LEMD3: variants seen among roughly 807,000 people sequenced by gnomAD.
LEMD3 encodes LEM domain containing 3.
Under a neutral mutation model 95.2 loss-of-function variants are expected in LEMD3, and 33 were observed. The ratio of observed to expected loss-of-function variants is 0.35; its 90% CI spans 0.26 to 0.46. The LOEUF is 0.46. LEMD3 is among the 20% of genes least tolerant of loss of function. The pLI, the probability that LEMD3 is intolerant of heterozygous loss-of-function variation, is 1.00. For missense variants in LEMD3, 1,210 were observed against 1,192.8 expected (o/e 1.01, Z -0.21); for synonymous variants, 525 against 474.6 (o/e 1.11, Z -1.38).
intron 1 of LEMD3, among the ~76,000 whole-genome samples, chr12:65,181,810 A>G (rs539776738): frequency 7.3e-4 from 111 of 152,290 alleles, no homozygotes; most frequent in African/African-American, 2.5e-3. Flanking sequence ...GAATTTGCCA[A>G]AAATGAAAAT....
rs1439261775 is a variant in LEMD3, at chr12:65,169,786, C to T, written c.190C>T (p.Arg64Trp). Reference protein sequence around the residue: ...HRSGGRGNKTRNSNNNNTAAA... With the variant: ...HRSGGRGNKTWNSNNNNTAAA... ...GTCAGGGGGCCGCGGCAACAAGACG[C>T]GGAACAGTAATAACAATAACACGGC... Residue 64 changes from arginine (R) to tryptophan (W), a missense_variant, in exon 1 of 13, where the codon CGG (arginine) becomes TGG (tryptophan). Physicochemically the swap from Arg to Trp is moderately radical, Grantham distance 101 (BLOSUM62 -3). Transcript: ENST00000308330. The T allele has an allele frequency of 6.4e-7, 1 of 1,574,036 alleles. No homozygotes were observed.
Position 65,246,218 on chromosome 12 carries a change from C to T in LEMD3, c.2629C>T (p.Gln877Ter). Residue 877 changes from glutamine (Q) to a stop codon, truncating the protein, a stop_gained, in exon 13 of 13, where the codon CAG (glutamine) becomes TAG (stop). Coordinates refer to ENST00000308330, the MANE Select transcript of LEMD3 (RefSeq NM_014319.5). LOFTEE classifies it high-confidence loss of function. ...RLDRYHHRFPQALTSNTPLKP... is the reference protein window; with the variant it reads ...RLDRYHHRFP ...AGATAGATACCACCATCGCTTTCCC[C>T]AGGCTCTCACTTCCAACACTCCATT... 6.2e-7 allele frequency: 1 copy of T among 1,612,748 alleles called. No individual in the cohort carries two copies. Among genetic ancestry groups the T allele is most frequent in the Non-Finnish European group, 8.5e-7 (1 of 1,178,896 alleles).
intron 1 of LEMD3, among the ~76,000 whole-genome samples, chr12:65,194,998 T>C (rs1449786956): frequency 6.6e-6 from 1 of 151,746 alleles, no homozygotes; most frequent in African/African-American, 2.4e-5. Context: ...TAAGTAGACA[T>C]TTTGGAGGTT....
At chr12:65,180,342 T>G (rs1486452745) in intron 1 of LEMD3, among the ~76,000 whole-genome samples, 2 of 148,876 alleles carry the variant, frequency 1.3e-5, no homozygotes, top group Admixed American at 1.3e-4. Context: ...CTGCATCAGT[T>G]TATATATTAT....
At chr12:65,185,950 A>T (rs12313850) in intron 1 of LEMD3, among the ~76,000 whole-genome samples, 5,390 of 152,152 alleles carry the variant, frequency 0.035, 316 homozygotes, top group African/African-American at 0.12. Context: ...ATTTTATCCC[A>T]GTAGCTCTAT....
intron 4 of LEMD3, among the ~76,000 whole-genome samples, chr12:65,231,877 T>C (rs1870640745): frequency 1.3e-5 from 2 of 151,996 alleles, no homozygotes. Flanking sequence ...TGTCTTTCCC[T>C]TGAAATTATT....
chr12:65,175,322 A>G (rs781546117), intron 1 of LEMD3, among the ~76,000 whole-genome samples: 52 of 152,184 alleles, frequency 3.4e-4, no homozygotes, highest in Non-Finnish European at 6.2e-4. Flanking sequence ...TTCTCATCCT[A>G]TAAAAATACT....
At chr12:65,243,303 A>G (rs1592464806) in intron 9 of LEMD3, 85 bp from the exon 10 acceptor site, 1 of 846,890 alleles carries the variant, frequency 1.2e-6, no homozygotes, top group East Asian at 2.4e-5. Flanking sequence ...CATGCAGTGA[A>G]TATTTTTTGA....
At position 65,242,035 on chromosome 12, in the gene LEMD3, A is replaced by T. The variant is rs186909667; in HGVS notation, c.2305+948A>T. Among the ~76,000 whole-genome samples the T allele has an allele frequency of 1.0e-3, 158 of 152,290 alleles. 4 individuals are homozygous for T. The highest frequency in any genetic ancestry group is 9.7e-3 in the Admixed American group (148 of 15,292). ...GTACATGTATCCCAGAACTTAAATT[A>T]AAAAAATGATGCTTTCATGTTGCCA... is the stretch of plus-strand genomic sequence containing the variant. On this transcript the variant is annotated intron_variant, in intron 9 of 12. Transcript: ENST00000308330.
chr12:65,196,778 A>G (rs1366615324), intron 1 of LEMD3, among the ~76,000 whole-genome samples: 2 of 151,742 alleles, frequency 1.3e-5, no homozygotes, highest in African/African-American at 4.8e-5. Flanking sequence ...AAAGTGATGA[A>G]CTCAAGGGGC....
At chr12:65,182,624 T>G (rs1868940658) in intron 1 of LEMD3, among the ~76,000 whole-genome samples, 2 of 152,114 alleles carry the variant, frequency 1.3e-5, no homozygotes, top group Non-Finnish European at 2.9e-5. Context: ...GTGGTTTTTT[T>G]TTGCAGCTAT....
chr12:65,241,198 C>T (rs999232899), intron 9 of LEMD3, 111 bp downstream of exon 9: 9 of 871,886 alleles, frequency 1.0e-5, no homozygotes, highest in African/African-American at 3.3e-5. Context: ...AAAACTCTCT[C>T]GTTCTGTTTC....
In LEMD3 at chr12:65,169,707, G is replaced by A. The variant is rs569384904; in HGVS notation, c.111G>A (p.Pro37=). 5 of 1,585,312 alleles carry A rather than the reference G, an allele frequency of 3.2e-6. No individual in the cohort carries two copies. Among genetic ancestry groups the A allele is most frequent in the Admixed American group, 1.8e-5 (1 of 55,732 alleles). Residue 37 remains proline (P), a synonymous_variant, in exon 1 of 13, where the codon CCG becomes CCA. Coordinates refer to ENST00000308330, the MANE Select transcript of LEMD3 (RefSeq NM_014319.5). ...SPGPVTESTR[P]VYLKKLKKLR... is the part of the protein sequence containing the mutation. ...GACCAGTGACGGAGAGCACCCGCCC[G>A]GTCTACCTCAAGAAGCTGAAGAAGC...
At chr12:65,211,814 T>C (rs1053716886) in intron 2 of LEMD3, among the ~76,000 whole-genome samples, 2 of 152,248 alleles carry the variant, frequency 1.3e-5, no homozygotes, top group African/African-American at 2.4e-5. Context: ...GTATACTTAC[T>C]GAACATTAGA....
intron 1 of LEMD3, among the ~76,000 whole-genome samples, chr12:65,201,960 G>A (rs1489892275): frequency 6.7e-6 from 1 of 148,696 alleles, no homozygotes; most frequent in Non-Finnish European, 1.5e-5. Context: ...AAATTCCCTT[G>A]TATTCCTAGT....
chr12:65,227,484 G>A (rs1870485239), intron 4 of LEMD3, among the ~76,000 whole-genome samples: 1 of 151,978 alleles, frequency 6.6e-6, no homozygotes, highest in African/African-American at 2.4e-5. Context: ...GGACCCCCAT[G>A]GACACAAAAA....
intron 9 of LEMD3, among the ~76,000 whole-genome samples, chr12:65,241,304 T>C (rs1464973150): frequency 3.3e-5 from 5 of 152,118 alleles, no homozygotes; most frequent in Admixed American, 2.6e-4. Flanking sequence ...AAGATGAATA[T>C]TCCTTGAATC....
In LEMD3 at chr12:65,193,910, C is replaced by T. The variant is rs56246827; in HGVS notation, c.1523-17016C>T. Among the ~76,000 whole-genome samples the T allele has an allele frequency of 1.3e-3, 191 of 152,158 alleles. 1 individual carries two copies. The highest frequency in any genetic ancestry group is 2.3e-3 in the Non-Finnish European group (158 of 67,996). ...GAACCCATAGTTCTATAATCTTAAA[C>T]ATCTAGTAAAGATAACAAACTTATT... On this transcript the variant is annotated intron_variant, in intron 1 of 12. Coordinates refer to ENST00000308330, the MANE Select transcript of LEMD3 (RefSeq NM_014319.5).
intron 1 of LEMD3, among the ~76,000 whole-genome samples, chr12:65,190,389 A>G (rs1869200962): frequency 6.6e-6 from 1 of 152,096 alleles, no homozygotes; most frequent in African/African-American, 2.4e-5. Context: ...ATTAATGTCA[A>G]CACAGACCCT....
Sources: gnomAD v4.1 joint callset for allele counts (sites outside exome capture counted in the v4.1 genomes callset) on GRCh38, gnomAD v4.1.1 for gene constraint, MANE v1.5 for transcripts, NCBI Gene and HGNC (gene_info 2026-07-23, HGNC 2026-07-21) for gene names.